Variants in DNAI7 observed in about 807,000 individuals in gnomAD.
DNAI7 encodes the protein dynein axonemal intermediate chain 7.
DNAI7 carries 78 observed loss-of-function variants against 86.6 expected under a neutral mutation model. The observed-to-expected ratio is 0.90, with a 90% CI of 0.75 to 1.09. DNAI7 has a LOEUF of 1.09. DNAI7 is among the 50% of genes least tolerant of loss of function. The pLI is 0.00. For missense variants in DNAI7, 753 were observed against 810.2 expected (o/e 0.93, Z 0.86); for synonymous variants, 274 against 273.0 (o/e 1.00, Z -0.04).
rs1945914565 is a variant in DNAI7, at chr12:25,154,407, T to C, written c.350A>G (p.Gln117Arg). 2.5e-6 allele frequency: 4 copies of C among 1,611,728 alleles called. No individual in the cohort carries two copies. The highest frequency in any genetic ancestry group is 3.4e-6 in the Non-Finnish European group (4 of 1,179,414). ...CAAACTAATAAACGTGTTCATTTCT[T>C]GGGCTACTGAAGGATCAGGACTCCC... ...CDGSPDPSVA[Q>R]EMNTFISLWK... is the part of the protein sequence containing the mutation. The change falls in exon 6 of 16, where the codon CAA becomes CGA. Residue 117 changes from glutamine (Q) to arginine (R), a missense_variant. Coordinates refer to ENST00000395987, the MANE Select transcript of DNAI7 (RefSeq NM_018272.5).
At chr12:25,118,857 G>A (rs4963850) in intron 12 of DNAI7, among the ~76,000 whole-genome samples, 60,277 of 151,994 alleles carry the variant, frequency 0.4, 13,810 homozygotes, top group East Asian at 0.77. Flanking sequence ...ATGAGCCATC[G>A]TGCCCAGTGT....
intron 2 of DNAI7, among the ~76,000 whole-genome samples, chr12:25,174,011 T>A (rs1332791208): frequency 2.0e-5 from 3 of 149,038 alleles, no homozygotes; most frequent in Non-Finnish European, 4.5e-5. Flanking sequence ...ATCATATACA[T>A]GGAATACATA....
At chr12:25,136,678 T>C (rs1169997319) in intron 9 of DNAI7, among the ~76,000 whole-genome samples, 1 of 151,784 alleles carries the variant, frequency 6.6e-6, no homozygotes, top group African/African-American at 2.4e-5. Flanking sequence ...AGGCGATGGA[T>C]AAAAAAATCT....
intron 2 of DNAI7, among the ~76,000 whole-genome samples, chr12:25,173,689 G>A (rs1013447002): frequency 1.3e-5 from 2 of 151,636 alleles, no homozygotes; most frequent in African/African-American, 4.8e-5. Flanking sequence ...TTGCAAAATC[G>A]TGGAACCAAC....
chr12:25,112,582 A>AT (rs1939145300), intron 13 of DNAI7, among the ~76,000 whole-genome samples: 2 of 151,422 alleles, frequency 1.3e-5, no homozygotes, highest in Admixed American at 1.3e-4. Context: ...AATTTTTTGT[A>AT]TTTTTAGTAG....
rs1399385815 is a variant in DNAI7, at chr12:25,174,630, TATATCATATATATGGAATATAG to T, written c.22-13455_22-13434del. On this transcript the variant is annotated intron_variant, in intron 2 of 15. Transcript: ENST00000395987. ...ATATATATATCATATATATGGGATA[TATATCATATATATGGAATATAG>T]ATATCATATATATGGAATATATATA... Among the ~76,000 whole-genome samples, 52 of 123,624 alleles carry T rather than the reference TATATCATATATATGGAATATAG, an allele frequency of 4.2e-4. 5 individuals carry two copies. The highest frequency in any genetic ancestry group is 1.6e-3 in the South Asian group (7 of 4,428). 81.1% of individuals were successfully genotyped at this position (123,624 alleles called of 152,430 possible).
At chr12:25,129,807 G>A (rs113993419) in intron 9 of DNAI7, among the ~76,000 whole-genome samples, 5 of 151,452 alleles carry the variant, frequency 3.3e-5, no homozygotes, top group African/African-American at 1.2e-4. Flanking sequence ...TTACTGCCCA[G>A]GCTGGAGTGT....
At chr12:25,107,552 T>C (rs566374376), downstream of DNAI7, among the ~76,000 whole-genome samples, 1 of 150,674 alleles carries the variant, frequency 6.6e-6, no homozygotes, top group East Asian at 2.0e-4. Context: ...AAGAATGAGA[T>C]ACTTGTATGT....
intron 7 of DNAI7, among the ~76,000 whole-genome samples, chr12:25,148,395 G>T (rs946502656): frequency 5.9e-5 from 9 of 152,170 alleles, no homozygotes; most frequent in African/African-American, 2.2e-4. Context: ...GCTTGCTTAA[G>T]GTGCTGACCA....
chr12:25,157,011 G>A (rs973201074), intron 4 of DNAI7, among the ~76,000 whole-genome samples: 8 of 151,952 alleles, frequency 5.3e-5, no homozygotes, highest in Non-Finnish European at 1.2e-4. Context: ...CAACTTGGCC[G>A]GGCGCAGTGG....
chr12:25,161,863 C>T (rs1165241290), intron 2 of DNAI7, among the ~76,000 whole-genome samples: 2 of 151,306 alleles, frequency 1.3e-5, no homozygotes, highest in African/African-American at 4.9e-5. Flanking sequence ...AGGCTAGAGC[C>T]TATGCTAAAG....
intron 2 of DNAI7, among the ~76,000 whole-genome samples, chr12:25,164,859 A>AC (rs1947269671): frequency 6.7e-6 from 1 of 149,896 alleles, no homozygotes; most frequent in Non-Finnish European, 1.5e-5. Context: ...CCACTCCTCC[A>AC]CCCTATAATC....
intron 2 of DNAI7, among the ~76,000 whole-genome samples, chr12:25,182,075 C>T (rs1333363295): frequency 6.7e-6 from 1 of 149,684 alleles, no homozygotes; most frequent in Admixed American, 6.6e-5. Context: ...AGGCTGGGCG[C>T]GGTGGCTCAC....
At chr12:25,170,426 T>C (rs950586461) in intron 2 of DNAI7, among the ~76,000 whole-genome samples, 4 of 148,020 alleles carry the variant, frequency 2.7e-5, no homozygotes, top group Non-Finnish European at 6.0e-5. Context: ...CAGGAAAATA[T>C]CACAATCCTA....
At chr12:25,151,303 T>C (rs1003398690) in intron 6 of DNAI7, among the ~76,000 whole-genome samples, 1 of 152,222 alleles carries the variant, frequency 6.6e-6, no homozygotes, top group East Asian at 1.9e-4. Flanking sequence ...AAGCTTGGCA[T>C]AGATTAAGCA....
At chr12:25,195,031 T>A in intron 1 of DNAI7, 45 bp downstream of exon 1, 1 of 1,614,156 alleles carries the variant, frequency 6.2e-7, no homozygotes, top group East Asian at 2.2e-5. Flanking sequence ...TGAAGCAGAA[T>A]CAGTGGTCGC....
chr12:25,150,787 G>A lies in DNAI7; in HGVS notation c.439-1013C>T, dbSNP rs577928624. Among the ~76,000 whole-genome samples, 146 of 152,020 alleles carry A rather than the reference G, an allele frequency of 9.6e-4. 3 individuals carry two copies. The South Asian group carries it at 0.03, about 31-fold the overall frequency. On this transcript the variant is annotated intron_variant, in intron 6 of 15. Coordinates refer to ENST00000395987, the MANE Select transcript of DNAI7 (RefSeq NM_018272.5). Reference sequence around the variant, plus strand: ...AGCTTTCATTAGCAAGTTAATAAACGAGTGGCAACTTGTCATTACCTAAGA... The same window carrying A: ...AGCTTTCATTAGCAAGTTAATAAACAAGTGGCAACTTGTCATTACCTAAGA...
chr12:25,174,786 A>G (rs1243397611), intron 2 of DNAI7, among the ~76,000 whole-genome samples: 1 of 149,024 alleles, frequency 6.7e-6, no homozygotes, highest in Non-Finnish European at 1.5e-5. Context: ...CGGCCATAAA[A>G]AGGAATGAAT....
chr12:25,186,703 G>A (rs932553052), intron 2 of DNAI7, among the ~76,000 whole-genome samples: 8 of 152,210 alleles, frequency 5.3e-5, no homozygotes, highest in African/African-American at 1.9e-4. Flanking sequence ...ATCACAGAAT[G>A]GGAGTAGATA....
Sources: allele counts gnomAD v4.1 joint callset (sites outside exome capture counted in the v4.1 genomes callset), GRCh38; gene constraint gnomAD v4.1.1; transcripts MANE v1.5; gene names NCBI Gene and HGNC (gene_info 2026-07-23, HGNC 2026-07-21).